The following ZHX2 variants were observed in gnomAD, a reference collection of about 807,000 sequenced individuals.
ZHX2 encodes the protein zinc fingers and homeoboxes 2.
ZHX2 carries 6 observed loss-of-function variants against 21.9 expected under a neutral mutation model. The ratio of observed to expected loss-of-function variants is 0.27; its 90% confidence interval spans 0.15 to 0.54. ZHX2 has a LOEUF of 0.54. ZHX2 is among the 20% of genes least tolerant of loss of function. The probability of loss-of-function intolerance (pLI) is 0.95; values close to 1 mark genes in which losing one functional copy is unlikely to be tolerated. For missense variants in ZHX2, 908 were observed against 1,090.7 expected, an observed-to-expected ratio of 0.83 and a Z score of 2.36; for synonymous variants, 434 against 437.1, an observed-to-expected ratio of 0.99 and a Z score of 0.09.
intron 2 of ZHX2, among the ~76,000 whole-genome samples, chr8:122,873,985 G>T (rs1253691485): frequency 6.6e-6 from 1 of 152,128 alleles, no homozygotes; most frequent in Non-Finnish European, 1.5e-5. Context: ...ATTACCTTGT[G>T]CCTACCCTGA....
At chr8:122,931,368 A>T (rs542188735) in intron 2 of ZHX2, among the ~76,000 whole-genome samples, 9 of 152,328 alleles carry the variant, frequency 5.9e-5, no homozygotes, top group East Asian at 3.9e-4. Context: ...GCCACAAGAC[A>T]TTCATCTCTT....
intron 1 of ZHX2, among the ~76,000 whole-genome samples, chr8:122,848,460 C>T (rs1236188956): frequency 1.3e-5 from 2 of 152,172 alleles, no homozygotes; most frequent in South Asian, 2.1e-4. Context: ...ATAAACGGAA[C>T]ACTTCCCCCA....
chr8:122,949,904 A>G (rs1239796546), intron 2 of ZHX2, among the ~76,000 whole-genome samples: 1 of 152,144 alleles, frequency 6.6e-6, no homozygotes, highest in African/African-American at 2.4e-5. Context: ...TCAGAAACAA[A>G]CAAAAATCCA....
At chr8:122,911,846 C>G (rs1162464829) in intron 2 of ZHX2, among the ~76,000 whole-genome samples, 2 of 152,148 alleles carry the variant, frequency 1.3e-5, no homozygotes, top group Non-Finnish European at 2.9e-5. Flanking sequence ...TCAGCTGACT[C>G]CTGAGAGATG....
intron 1 of ZHX2, among the ~76,000 whole-genome samples, chr8:122,789,184 T>C (rs1817461325): frequency 6.6e-6 from 1 of 152,184 alleles, no homozygotes; most frequent in Non-Finnish European, 1.5e-5. Flanking sequence ...GTTGCTGTTT[T>C]TATACAATAA....
intron 1 of ZHX2, among the ~76,000 whole-genome samples, chr8:122,814,483 T>C (rs530526388): frequency 1.3e-5 from 2 of 152,362 alleles, no homozygotes; most frequent in African/African-American, 4.8e-5. Context: ...ATTGACACAT[T>C]GGCTCAGGCC....
Position 122,952,139 on chromosome 8 carries a change from A to G in ZHX2, c.629A>G (p.Asn210Ser). Reference protein sequence around the residue: ...PKKPEEITPENHVEGTARLVT... With the variant: ...PKKPEEITPESHVEGTARLVT... ...AAGCCCGAGGAGATCACCCCCGAGA[A>G]CCACGTGGAAGGGACCGCCCGCCTG... The change falls in exon 3 of 4, where the codon AAC becomes AGC. Residue 210 changes from asparagine (N) to serine (S), a missense_variant. Physicochemically the swap from Asn to Ser is conservative, Grantham distance 46. Transcript: ENST00000314393. The surrounding 1 kb of genome is among the most constrained non-coding windows in gnomAD (Gnocchi z 6.9). 6.2e-7 allele frequency: 1 copy of G among 1,613,700 alleles called. No homozygotes were observed.
chr8:122,901,059 T>C (rs995325477), intron 2 of ZHX2, among the ~76,000 whole-genome samples: 1 of 152,222 alleles, frequency 6.6e-6, no homozygotes, highest in African/African-American at 2.4e-5. Context: ...CTATGATTTA[T>C]TGGGTATTGT....
chr8:122,882,874 C>T (rs779125364), intron 2 of ZHX2, among the ~76,000 whole-genome samples: 1 of 152,020 alleles, frequency 6.6e-6, no homozygotes, highest in Non-Finnish European at 1.5e-5. Context: ...CCCAGCTACT[C>T]AGGAGGCTGA....
chr8:122,958,701 G>A (rs762013309), intron 3 of ZHX2, among the ~76,000 whole-genome samples: 3 of 152,220 alleles, frequency 2.0e-5, no homozygotes, highest in Non-Finnish European at 4.4e-5. Flanking sequence ...CCTGACCCCA[G>A]CCACTATGGC....
intron 2 of ZHX2, among the ~76,000 whole-genome samples, chr8:122,896,347 G>A (rs1273692020): frequency 3.3e-5 from 5 of 151,688 alleles, no homozygotes; most frequent in African/African-American, 4.9e-5. Flanking sequence ...AAAGCAATAC[G>A]TATTTCATGG....
chr8:122,958,759 G>A (rs1310440988), intron 3 of ZHX2, among the ~76,000 whole-genome samples: 1 of 152,210 alleles, frequency 6.6e-6, no homozygotes, highest in Non-Finnish European at 1.5e-5. Flanking sequence ...AGAACAAACA[G>A]AGTGTGGTCA....
intron 1 of ZHX2, among the ~76,000 whole-genome samples, chr8:122,822,452 T>G (rs1420197008): frequency 6.6e-6 from 1 of 152,164 alleles, no homozygotes; most frequent in Non-Finnish European, 1.5e-5. Context: ...TGAAGCCATC[T>G]CATAGGAGGC....
intron 1 of ZHX2, among the ~76,000 whole-genome samples, chr8:122,809,431 C>T (rs989036796): frequency 2.6e-5 from 4 of 151,672 alleles, no homozygotes; most frequent in South Asian, 2.1e-4. Flanking sequence ...ACCTGGGAGG[C>T]GGAGGTTGCA....
intron 1 of ZHX2, among the ~76,000 whole-genome samples, chr8:122,832,383 C>T (rs1397161380): frequency 6.6e-6 from 1 of 152,100 alleles, no homozygotes; most frequent in Non-Finnish European, 1.5e-5. Flanking sequence ...GCAGGCAGGC[C>T]GTCTGAGAAC....
chr8:122,950,817 T>C (rs1254793171), intron 2 of ZHX2, among the ~76,000 whole-genome samples: 1 of 152,108 alleles, frequency 6.6e-6, no homozygotes, highest in African/African-American at 2.4e-5. Context: ...TCTTTTATAC[T>C]TTTCTGCATT....
At chr8:122,833,832 TA>T in intron 1 of ZHX2, among the ~76,000 whole-genome samples, 1 of 151,850 alleles carries the variant, frequency 6.6e-6, no homozygotes, top group Non-Finnish European at 1.5e-5. Flanking sequence ...TCATCTCTAC[TA>T]AAAAATACAA....
chr8:122,894,845 C>T (rs1045274559), intron 2 of ZHX2, among the ~76,000 whole-genome samples: 1 of 152,090 alleles, frequency 6.6e-6, no homozygotes, highest in Non-Finnish European at 1.5e-5. Context: ...CCACCCTTCA[C>T]CCACTCACAG....
At position 122,789,311 on chromosome 8, in the gene ZHX2, C is replaced by T. The variant is rs977088426; in HGVS notation, c.-283+7365C>T. On this transcript the variant is annotated intron_variant, in intron 1 of 3. Coordinates refer to ENST00000314393, the MANE Select transcript of ZHX2 (RefSeq NM_014943.5). ...AGAAAACTCCTTTCAGCTGATATTA[C>T]GTTCCCGCTGTTCTTAAAATATGAG... 4.6e-5 allele frequency among the ~76,000 whole-genome samples: 7 copies of T among 152,330 alleles called. 1 individual carries two copies. In the South Asian group the frequency reaches 6.2e-4, roughly 14 times the overall value.
Sources: allele counts gnomAD v4.1 joint callset (sites outside exome capture counted in the v4.1 genomes callset), GRCh38; gene constraint gnomAD v4.1.1; non-coding constraint Gnocchi (gnomAD v3.1); transcripts MANE v1.5; gene names NCBI Gene and HGNC (gene_info 2026-07-23, HGNC 2026-07-21).